The following ZNF229 variants were observed in gnomAD, a reference collection of about 807,000 sequenced individuals.
ZNF229 encodes zinc finger protein 229.
A neutral mutation model predicts 11.8 loss-of-function variants in ZNF229; 10 were observed. That is an observed-to-expected ratio of 0.85 (90% confidence interval 0.52 to 1.44). The LOEUF (loss-of-function observed/expected upper bound fraction) is 1.44, where lower values mean the gene tolerates loss of function less well. ZNF229 is among the 40% of genes most tolerant of loss of function. The pLI is 0.00. For missense variants in ZNF229, 1,045 were observed against 1,015.1 expected (o/e 1.03, Z -0.40); for synonymous variants, 368 against 374.8 (o/e 0.98, Z 0.21).
chr19:44,442,732 G>C, intron 3 of ZNF229, 82 bp downstream of exon 3: 2 of 1,607,022 alleles, frequency 1.2e-6, no homozygotes, highest in Non-Finnish European at 1.7e-6. Flanking sequence ...TCTCACTTGA[G>C]GAAATTCCTC....
In ZNF229 at chr19:44,427,667, A is replaced by C. The variant is rs975162581; in HGVS notation, c.*636T>G. 3 of 152,128 alleles carry C rather than the reference A, an allele frequency of 2.0e-5. No individual in the cohort carries two copies. Among genetic ancestry groups the C allele is most frequent in the Non-Finnish European group, 2.9e-5 (2 of 68,044 alleles). 9.4% of individuals were successfully genotyped at this position (152,128 alleles called of 1,614,324 possible). A position where few individuals can be genotyped will look rare whatever the true frequency, so the allele number is the denominator to read the frequency against. The stretch of plus-strand genomic sequence containing the variant: ...TGCTTTTTGAACCTGGAAAGAAGAC[A>C]TATTTCTGTAGTGTACTACAACTCC... On this transcript the variant is annotated 3_prime_UTR_variant, in exon 6 of 6. Coordinates refer to ENST00000614049, the MANE Select transcript of ZNF229 (RefSeq NM_014518.4).
intron 4 of ZNF229, among the ~76,000 whole-genome samples, chr19:44,438,861 T>C (rs1198684144): frequency 1.3e-5 from 2 of 152,204 alleles, no homozygotes; most frequent in Non-Finnish European, 2.9e-5. Flanking sequence ...CATCTCTTCA[T>C]CTGTATCCTT....
At position 44,429,225 on chromosome 19, in the gene ZNF229, C is replaced by T. The variant is rs1432153463; in HGVS notation, c.1556G>A (p.Cys519Tyr). The T allele has an allele frequency of 1.4e-5, 23 of 1,613,912 alleles. No homozygotes were observed. Among genetic ancestry groups the T allele is most frequent in the African/African-American group, 6.7e-5 (5 of 74,798 alleles). ...ACTGAAACTCTTACCACACACGTTA[C>T]ATTTGTACAGATGCTGCCCCATGTG... Reference protein sequence around the residue: ...RVHMGQHLYKCNVCGKSFSYS... With the variant: ...RVHMGQHLYKYNVCGKSFSYS... The change falls in exon 6 of 6, where the codon TGT (cysteine) becomes TAT (tyrosine). Residue 519 changes from cysteine (C) to tyrosine (Y), a missense_variant. Coordinates refer to ENST00000614049, the MANE Select transcript of ZNF229 (RefSeq NM_014518.4).
chr19:44,443,279 G>A (rs1368732737), intron 2 of ZNF229, among the ~76,000 whole-genome samples: 1 of 152,184 alleles, frequency 6.6e-6, no homozygotes, highest in Non-Finnish European at 1.5e-5. Flanking sequence ...CCCCTCAGAA[G>A]GGCAGAGAGA....
intron 4 of ZNF229, 59 bp from the exon 5 acceptor site, chr19:44,432,425 A>G: frequency 2.5e-6 from 4 of 1,587,404 alleles, no homozygotes; most frequent in Non-Finnish European, 3.4e-6. Context: ...TGGTGTCCAC[A>G]GAGCAGGTTT....
rs751173717 is a variant in ZNF229, at chr19:44,428,378, A to G, written c.2403T>C (p.Cys801=). ...CTGAGGTATAACTGAAGCCTTTCCCACACACACCACACGTATAGGGCTTCT... is the reference window on the plus strand; with the variant it reads ...CTGAGGTATAACTGAAGCCTTTCCCGCACACACCACACGTATAGGGCTTCT... ...TGEKPYTCGV[C]GKGFSYTSGL... The change falls in exon 6 of 6, where the codon TGT becomes TGC. Residue 801 remains cysteine, a synonymous_variant. Transcript: ENST00000614049. 3.1e-6 allele frequency: 5 copies of G among 1,613,882 alleles called. No individual in the cohort carries two copies. In the African/African-American group the frequency reaches 6.7e-5, roughly 22 times the overall value.
In ZNF229 at chr19:44,427,579, T is replaced by C. The variant is rs898932623; in HGVS notation, c.*724A>G. ...ATTCTTTCAAAATTAACCTATAAAT[T>C]CAATGCAATGCCAATTAATAAATTT... On this transcript the variant is annotated 3_prime_UTR_variant, in exon 6 of 6. Transcript: ENST00000614049. The C allele has an allele frequency of 3.3e-5, 5 of 152,018 alleles. No homozygotes were observed. The highest frequency in any genetic ancestry group is 4.4e-5 in the Non-Finnish European group (3 of 68,026). The allele number at this position is 152,018 out of a possible 1,614,324, so 9.4% of individuals were successfully genotyped here.
At chr19:44,443,467 G>A (rs1380138817) in intron 2 of ZNF229, among the ~76,000 whole-genome samples, 3 of 152,118 alleles carry the variant, frequency 2.0e-5, no homozygotes, top group African/African-American at 7.2e-5. Context: ...AACTTTTTTT[G>A]TGCCATGGCC....
chr19:44,448,509 G>C (rs1424611308), upstream of ZNF229: 1 of 152,208 alleles, frequency 6.6e-6, no homozygotes, highest in Non-Finnish European at 1.5e-5. Context: ...TCGACTCGAG[G>C]TGTGGGACTA....
chr19:44,442,622 C>G lies in ZNF229; in HGVS notation c.35-1G>C. 1 of 1,614,048 alleles carries G rather than the reference C, an allele frequency of 6.2e-7. No homozygotes were observed. The highest frequency in any genetic ancestry group is 8.5e-7 in the Non-Finnish European group (1 of 1,179,994). ...ATGGCTGAGGCTTGAGAATGAAGAG[C>G]TGTAGGAGGAGAAAGAGGCCATGAG... On this transcript the variant is annotated splice_acceptor_variant, in intron 3 of 5. Transcript: ENST00000614049. LOFTEE classifies it high-confidence loss of function.
At position 44,429,415 on chromosome 19, in the gene ZNF229, G is replaced by A. The variant is rs556959966; in HGVS notation, c.1366C>T (p.Pro456Ser). ...CCACAGCTGTAGGGCTTTTCTCCAG[G>A]GTGAATGTGCTGGTGTTTGTGCAGT... ...SALHKHQHIHPGEKPYSCGEC... is the reference protein window; with the variant it reads ...SALHKHQHIHSGEKPYSCGEC... Residue 456 changes from proline to serine, a missense_variant, in exon 6 of 6, where the codon CCT (proline) becomes TCT (serine). By Grantham distance (74) the Pro-to-Ser change is moderately conservative (BLOSUM62 -1). Coordinates refer to ENST00000614049, the MANE Select transcript of ZNF229 (RefSeq NM_014518.4). The A allele has an allele frequency of 1.6e-5, 26 of 1,613,642 alleles. No individual in the cohort carries two copies. The highest frequency in any genetic ancestry group is 2.1e-5 in the Non-Finnish European group (25 of 1,179,946).
chr19:44,430,509 T>C lies in ZNF229; in HGVS notation c.272A>G (p.Gln91Arg), dbSNP rs1971703748. Reference sequence around the variant, plus strand: ...TGAAAAGAACCTTAATTCTTCATCTTGAATATACTCCGTATCCTTTCCATT... The same window carrying C: ...TGAAAAGAACCTTAATTCTTCATCTCGAATATACTCCGTATCCTTTCCATT... Reference protein sequence around the residue: ...DKNGKDTEYIQDEELRFFSHK... With the variant: ...DKNGKDTEYIRDEELRFFSHK... The change falls in exon 6 of 6, where the codon CAA becomes CGA. Residue 91 changes from glutamine to arginine, a missense_variant. By Grantham distance (43) the Gln-to-Arg change is conservative. Transcript: ENST00000614049. The C allele has an allele frequency of 6.2e-7, 1 of 1,614,074 alleles. No homozygotes were observed. Among genetic ancestry groups the C allele is most frequent in the Non-Finnish European group, 8.5e-7 (1 of 1,180,010 alleles).
Position 44,429,321 on chromosome 19 carries a change from C to T in ZNF229, c.1460G>A (p.Arg487Lys), listed in dbSNP as rs770675520. The change falls in exon 6 of 6, where the codon AGG becomes AAG. Residue 487 changes from arginine to lysine, a missense_variant. Coordinates refer to ENST00000614049, the MANE Select transcript of ZNF229 (RefSeq NM_014518.4). The part of the protein sequence containing the change: ...SSHQKTHTGE[R>K]PYQCDKCGKG... ...GCCACACTTGTCACACTGGTAGGGC[C>T]TCTCGCCGGTGTGTGTCTTCTGATG... The T allele has an allele frequency of 2.5e-6, 4 of 1,614,050 alleles. No homozygotes were observed. In the East Asian group the frequency reaches 8.9e-5, roughly 36 times the overall value.
chr19:44,429,385 A>C lies in ZNF229; in HGVS notation c.1396T>G (p.Cys466Gly). ...GAGCTGCAGCTGAATCCCTTTCCACACTCGCCACAGCTGTAGGGCTTTTCT... is the reference window on the plus strand; with the variant it reads ...GAGCTGCAGCTGAATCCCTTTCCACCCTCGCCACAGCTGTAGGGCTTTTCT... ...PGEKPYSCGE[C>G]GKGFSCSSHL... Residue 466 changes from cysteine to glycine, a missense_variant, in exon 6 of 6, where the codon TGT becomes GGT. Cys to Gly is a radical substitution (Grantham distance 159). Transcript: ENST00000614049. The C allele has an allele frequency of 6.2e-7, 1 of 1,613,392 alleles. No homozygotes were observed. Among genetic ancestry groups the C allele is most frequent in the Non-Finnish European group, 8.5e-7 (1 of 1,179,932 alleles).
chr19:44,432,018 A>G, intron 5 of ZNF229: 1 of 1,081,288 alleles, frequency 9.2e-7, no homozygotes, highest in Non-Finnish European at 1.2e-6. Flanking sequence ...GGTCCTCACC[A>G]GAACCCAACT....
Position 44,429,557 on chromosome 19 carries a change from G to A in ZNF229, c.1224C>T (p.Ser408=), listed in dbSNP as rs145520471. ...TGTAACTGAAGCCCTTCCCACACTC[G>A]CTGCATTTATATGGTTTCTCTCCAG... ...VHTGEKPYKC[S]ECGKGFSYSS... is the part of the protein sequence containing the mutation. Residue 408 remains serine (S), a synonymous_variant, in exon 6 of 6, where the codon AGC becomes AGT. Transcript: ENST00000614049. The A allele has an allele frequency of 1.2e-3, 1,959 of 1,613,152 alleles. 30 individuals are homozygous for A. The African/African-American group carries it at 0.021, about 17-fold the overall frequency.
chr19:44,430,129 C>A lies in ZNF229; in HGVS notation c.652G>T (p.Asp218Tyr), dbSNP rs146515421. Residue 218 changes from aspartate (D) to tyrosine (Y), a missense_variant, in exon 6 of 6, where the codon GAT becomes TAT. By Grantham distance (160) the Asp-to-Tyr change is radical. Coordinates refer to ENST00000614049, the MANE Select transcript of ZNF229 (RefSeq NM_014518.4). ...TEDTVYKCNWDDDSFCWISCH... is the reference protein window; with the variant it reads ...TEDTVYKCNWYDDSFCWISCH... Reference sequence around the variant, plus strand: ...GATATCCAGCAAAAGCTGTCATCATCCCAGTTACATTTATATACTGTGTCT... The same window carrying A: ...GATATCCAGCAAAAGCTGTCATCATACCAGTTACATTTATATACTGTGTCT... 6.2e-7 allele frequency: 1 copy of A among 1,614,078 alleles called. No individual in the cohort carries two copies. The highest frequency in any genetic ancestry group is 8.5e-7 in the Non-Finnish European group (1 of 1,180,034).
Position 44,430,520 on chromosome 19 carries a change from C to T in ZNF229, c.261G>A (p.Thr87=), listed in dbSNP as rs372047826. ...TTAATTCTTCATCTTGAATATACTC[C>T]GTATCCTTTCCATTCTTGTCTCCTA... ...NPLGDKNGKD[T]EYIQDEELRF... is the part of the protein sequence containing the mutation. Residue 87 remains threonine, a synonymous_variant, in exon 6 of 6, where the codon ACG becomes ACA. Transcript: ENST00000614049. 229 of 1,613,132 alleles carry T rather than the reference C, an allele frequency of 1.4e-4. No homozygotes were observed. Among genetic ancestry groups the T allele is most frequent in the East Asian group, 4.7e-4 (21 of 44,884 alleles).
At chr19:44,433,222 T>A (rs887388748) in intron 4 of ZNF229, among the ~76,000 whole-genome samples, 1 of 152,106 alleles carries the variant, frequency 6.6e-6, no homozygotes, top group African/African-American at 2.4e-5. Context: ...CACATCCAGC[T>A]AATTTTTATT....
Sources: allele counts gnomAD v4.1 joint callset (sites outside exome capture counted in the v4.1 genomes callset), GRCh38; gene constraint gnomAD v4.1.1; transcripts MANE v1.5; gene names NCBI Gene and HGNC (gene_info 2026-07-23, HGNC 2026-07-21).